GTF2H2: variants seen among roughly 807,000 people sequenced by gnomAD.
GTF2H2 encodes general transcription factor IIH subunit 2, also known as TFIIH basal transcription factor complex p44 subunit.
A neutral mutation model predicts 16.5 loss-of-function variants in GTF2H2; 2 were observed. The ratio of observed to expected loss-of-function variants is 0.12; its 90% CI spans 0.05 to 0.38. The LOEUF (loss-of-function observed/expected upper bound fraction) is 0.38. GTF2H2 is among the 10% of genes least tolerant of loss of function. The probability of loss-of-function intolerance (pLI) is 0.99; values close to 1 mark genes in which losing one functional copy is unlikely to be tolerated. For missense variants in GTF2H2, 20 were observed against 137.0 expected, an observed-to-expected ratio of 0.15 and a Z score of 4.26; for synonymous variants, 8 against 44.1, an observed-to-expected ratio of 0.18 and a Z score of 3.24.
At position 71,039,498 on chromosome 5, in the gene GTF2H2, T is replaced by C. The variant is rs1440567117; in HGVS notation, c.1029-1952A>G. On this transcript the variant is annotated intron_variant, in intron 14 of 15. Transcript: ENST00000274400. ...CAGGCCCTTTCAATCTAGAAAGTTCTGTCCTTCAATATAAAATTTCTTTGA... is the reference window on the plus strand; with the variant it reads ...CAGGCCCTTTCAATCTAGAAAGTTCCGTCCTTCAATATAAAATTTCTTTGA... Among the ~76,000 whole-genome samples the C allele has an allele frequency of 1.9e-4, 25 of 130,308 alleles. 3 individuals are homozygous for C. The highest frequency in any genetic ancestry group is 3.5e-4 in the Non-Finnish European group (21 of 60,800). The allele number at this position is 130,308 out of a possible 152,430, so 85.5% of individuals were successfully genotyped here. A position where few individuals can be genotyped will look rare whatever the true frequency, so the allele number is the denominator to read the frequency against.
At chr5:71,039,607 C>T (rs1482103120) in intron 14 of GTF2H2, among the ~76,000 whole-genome samples, 2 of 148,528 alleles carry the variant, frequency 1.3e-5, no homozygotes, top group Non-Finnish European at 3.0e-5. Context: ...GATAATTCCA[C>T]CAGTGAATAT....
rs1460112501 is a variant in GTF2H2 at position 71,055,339 on chromosome 5, G to A, written c.470+13C>T. ...AACTTCTAATTCAATTATACATAAT[G>A]TATAATACTAACTTTAGAGTCTGCA... On this transcript the variant is annotated intron_variant, in intron 8 of 15. Coordinates refer to ENST00000274400, the Ensembl canonical transcript of GTF2H2. 6.4e-7 allele frequency: 1 copy of A among 1,567,902 alleles called. No homozygotes were observed. The highest frequency in any genetic ancestry group is 1.5e-5 in the African/African-American group (1 of 68,816).
chr5:71,035,377 CAT>C (rs1272871488), exon 16 of GTF2H2: 2 of 31,134 alleles, frequency 6.4e-5, no homozygotes, highest in African/African-American at 1.1e-4. Flanking sequence ...ATTATAAAAA[CAT>C]AAAATTATCA....
At chr5:71,036,428 AAATTT>A (rs1751754345) in intron 15 of GTF2H2, among the ~76,000 whole-genome samples, 1 of 89,736 alleles carries the variant, frequency 1.1e-5, no homozygotes, top group Non-Finnish European at 2.4e-5. Context: ...ATGAATAAAT[AAATTT>A]CAAACAACAC....
At chr5:71,058,531 C>CTCTTA (rs1360128322) in intron 7 of GTF2H2, 1 of 141,994 alleles carries the variant, frequency 7.0e-6, no homozygotes, top group Non-Finnish European at 1.5e-5. Flanking sequence ...AATTAAGAGA[C>CTCTTA]ATCTTTTCAA....
chr5:71,047,083 CA>C (rs1254526263), intron 11 of GTF2H2, among the ~76,000 whole-genome samples: 8 of 94,572 alleles, frequency 8.5e-5, no homozygotes, highest in Non-Finnish European at 1.8e-4. Flanking sequence ...TTTGATCATC[CA>C]GTACAGAGAA....
exon 8 of GTF2H2, chr5:71,055,368 C>G (rs781523632): frequency 6.3e-7 from 1 of 1,578,768 alleles, no homozygotes; most frequent in South Asian, 1.1e-5. Flanking sequence ...GTCTGCATAG[C>G]TATGCTTAGG....
intron 12 of GTF2H2, among the ~76,000 whole-genome samples, chr5:71,044,289 C>T (rs1481418952): frequency 5.2e-5 from 2 of 38,824 alleles, no homozygotes; most frequent in African/African-American, 1.1e-4. Context: ...AGTCTCCTCA[C>T]ACAAAAGGGC....
intron 14 of GTF2H2, among the ~76,000 whole-genome samples, chr5:71,039,343 A>G (rs920202498): frequency 1.8e-5 from 2 of 110,152 alleles, no homozygotes; most frequent in Admixed American, 9.2e-5. Context: ...CCTTTCTTTT[A>G]TCTTCGTTGC....
At position 71,053,321 on chromosome 5, in the gene GTF2H2, C is replaced by A. The variant is rs1202547191; in HGVS notation, c.470+2031G>T. 5.6e-5 allele frequency among the ~76,000 whole-genome samples: 8 copies of A among 142,156 alleles called. 1 individual carries two copies. The highest frequency in any genetic ancestry group is 1.2e-4 in the Non-Finnish European group (8 of 65,010). The allele number at this position is 142,156 out of a possible 152,430, so 93.3% of individuals were successfully genotyped here. A position where few individuals can be genotyped will look rare whatever the true frequency, so the allele number is the denominator to read the frequency against. On this transcript the variant is annotated intron_variant, in intron 8 of 15. Transcript: ENST00000274400. Reference sequence around the variant, plus strand: ...TGTCTTAGGAGATGGGGGGGCCGAACAGAGGGAGAGAGACTGGAAAACAGC... The same window carrying A: ...TGTCTTAGGAGATGGGGGGGCCGAAAAGAGGGAGAGAGACTGGAAAACAGC...
At chr5:71,053,014 C>T in intron 8 of GTF2H2, among the ~76,000 whole-genome samples, 1 of 102,192 alleles carries the variant, frequency 9.8e-6, no homozygotes, top group South Asian at 3.3e-4. Flanking sequence ...GGTGATCCTC[C>T]CATCTTAGCC....
At chr5:71,046,012 A>C (rs1012923126) in intron 11 of GTF2H2, among the ~76,000 whole-genome samples, 4 of 144,944 alleles carry the variant, frequency 2.8e-5, no homozygotes, top group African/African-American at 1.1e-4. Context: ...ATAGTACACC[A>C]TTTTATCTAC....
intron 7 of GTF2H2, among the ~76,000 whole-genome samples, chr5:71,056,565 TTATATA>T (rs992315025): frequency 3.6e-5 from 2 of 55,632 alleles, no homozygotes; most frequent in Non-Finnish European, 7.2e-5. Flanking sequence ...TATATTTAGA[TTATATA>T]TATATCTGTT....
At chr5:71,052,244 T>A (rs1225212443) in intron 8 of GTF2H2, among the ~76,000 whole-genome samples, 1 of 137,250 alleles carries the variant, frequency 7.3e-6, no homozygotes. Context: ...CTCGGCTCAC[T>A]GCAACCTCTG....
rs1378362627 is a variant in GTF2H2 at position 71,038,278 on chromosome 5, G to A, written c.1029-732C>T. Reference sequence around the variant, plus strand: ...CCATGCCTGGCTAATTTTTTATTGAGGCAGGGTCTCGCTATATTGCCCAGG... The same window carrying A: ...CCATGCCTGGCTAATTTTTTATTGAAGCAGGGTCTCGCTATATTGCCCAGG... On this transcript the variant is annotated intron_variant, in intron 14 of 15. Coordinates refer to ENST00000274400, the Ensembl canonical transcript of GTF2H2. Among the ~76,000 whole-genome samples, 44 of 69,152 alleles carry A rather than the reference G, an allele frequency of 6.4e-4. 14 individuals carry two copies. The highest frequency in any genetic ancestry group is 2.3e-3 in the African/African-American group (41 of 17,928). The allele number at this position is 69,152 out of a possible 152,430, so 45.4% of individuals were successfully genotyped here.
At chr5:71,045,973 A>G (rs1358484038) in intron 11 of GTF2H2, among the ~76,000 whole-genome samples, 3 of 144,656 alleles carry the variant, frequency 2.1e-5, no homozygotes, top group Non-Finnish European at 3.0e-5. Flanking sequence ...TGTAATTTTT[A>G]CATCATTTCT....
intron 7 of GTF2H2, among the ~76,000 whole-genome samples, chr5:71,057,319 T>C: frequency 7.6e-6 from 1 of 130,754 alleles, no homozygotes. Context: ...AAGCAACATA[T>C]TGCTTTGGAA....
intron 11 of GTF2H2, 74 bp from the exon 12 acceptor site, chr5:71,045,581 GT>G: frequency 1.2e-6 from 1 of 845,688 alleles, no homozygotes; most frequent in Non-Finnish European, 1.9e-6. Context: ...ACCTAAAAAT[GT>G]TCTTCTCAAA....
rs1371531866 is a variant in GTF2H2 at position 71,045,907 on chromosome 5, C to A, written c.758-400G>T. On this transcript the variant is annotated intron_variant, in intron 11 of 15. Transcript: ENST00000274400. The stretch of plus-strand genomic sequence containing the variant: ...TAGCTGGGATTACAGGCATCCGCCA[C>A]CATGCCCAGCTATATATTTTCTAAC... Among the ~76,000 whole-genome samples, 5 of 142,130 alleles carry A rather than the reference C, an allele frequency of 3.5e-5. 1 individual carries two copies. Among genetic ancestry groups the A allele is most frequent in the Non-Finnish European group, 7.5e-5 (5 of 66,268 alleles). The allele number at this position is 142,130 out of a possible 152,430, so 93.2% of individuals were successfully genotyped here.
Sources: gnomAD v4.1 joint callset for allele counts (sites outside exome capture counted in the v4.1 genomes callset) on GRCh38, gnomAD v4.1.1 for gene constraint, MANE v1.5 for transcripts, NCBI Gene and HGNC (gene_info 2026-07-23, HGNC 2026-07-21) for gene names.